ERAP1: variants seen among roughly 807,000 people sequenced by gnomAD.
The protein encoded by ERAP1 is adipocyte-derived leucine aminopeptidase.
A neutral mutation model predicts 103.7 loss-of-function variants in ERAP1; 86 were observed. The ratio of observed to expected loss-of-function variants is 0.83; its 90% CI spans 0.70 to 0.99. The LOEUF is 0.99. Among genes scored for constraint, ERAP1 ranks in the 50% least tolerant of loss-of-function variants. The pLI is 0.00. For missense variants in ERAP1, 1,009 were observed against 1,128.4 expected (o/e 0.89, Z 1.52); for synonymous variants, 398 against 402.4 (o/e 0.99, Z 0.13).
At chr5:96,790,179 T>A (rs1203538466) in intron 10 of ERAP1, 117 bp downstream of exon 10, 2 of 863,336 alleles carry the variant, frequency 2.3e-6, no homozygotes, top group Non-Finnish European at 3.9e-6. Context: ...TGCAGTCTTA[T>A]CTGGAATGAG....
the ERAP1 span, among the ~76,000 whole-genome samples, chr5:96,817,617 G>C: frequency 6.6e-6 from 1 of 152,284 alleles, no homozygotes; most frequent in Middle Eastern, 3.4e-3. Context: ...ACACTAGACT[G>C]AGCTTCCAGA....
At chr5:96,864,388 C>T in the ERAP1 span, among the ~76,000 whole-genome samples, 1 of 152,138 alleles carries the variant, frequency 6.6e-6, no homozygotes, top group African/African-American at 2.4e-5. Context: ...TCAAAAATTA[C>T]ACTCAATGTT....
chr5:96,776,926 T>A (rs1774412278), intron 18 of ERAP1: 1 of 201,192 alleles, frequency 5.0e-6, no homozygotes, highest in Admixed American at 5.3e-5. Context: ...CAGAGTCTTT[T>A]CTTTGCCAAG....
At chr5:96,909,734 C>T in the ERAP1 span, 5 of 1,614,020 alleles carry the variant, frequency 3.1e-6, no homozygotes, top group African/African-American at 5.3e-5. Context: ...GAACTCTTCT[C>T]CCAGTGGATG....
the ERAP1 span, chr5:96,908,947 G>A: frequency 2.5e-6 from 4 of 1,609,096 alleles, no homozygotes; most frequent in African/African-American, 5.4e-5. Flanking sequence ...ACTGACATTT[G>A]TTTTATACTT....
chr5:96,824,823 A>G, the ERAP1 span, among the ~76,000 whole-genome samples: 1 of 152,286 alleles, frequency 6.6e-6, no homozygotes, highest in South Asian at 2.1e-4. Flanking sequence ...CCAAGGCAGG[A>G]GGATCACTTC....
At position 96,774,637 on chromosome 5, in the gene ERAP1, TAATC is replaced by T; in HGVS notation, c.*1755_*1758del. 3 of 985,266 alleles carry T rather than the reference TAATC, an allele frequency of 3.0e-6. No individual in the cohort carries two copies. The highest frequency in any genetic ancestry group is 6.1e-5 in the Admixed American group (1 of 16,290). 61.0% of individuals were successfully genotyped at this position (985,266 alleles called of 1,614,324 possible). A position where few individuals can be genotyped will look rare whatever the true frequency, so the allele number is the denominator to read the frequency against. ...GAAAATCAATATTTCCATGTTTCAT[TAATC>T]AAGGCATAAAATACAATTAAAGCAA... On this transcript the variant is annotated 3_prime_UTR_variant, in exon 19 of 19. Transcript: ENST00000443439.
chr5:96,843,843 C>T, the ERAP1 span, among the ~76,000 whole-genome samples: 3 of 152,110 alleles, frequency 2.0e-5, no homozygotes, highest in African/African-American at 7.2e-5. Context: ...TTCTACTGAC[C>T]CTAAATTTTT....
At chr5:96,814,738 T>C in the ERAP1 span, among the ~76,000 whole-genome samples, 1 of 152,190 alleles carries the variant, frequency 6.6e-6, no homozygotes, top group African/African-American at 2.4e-5. Flanking sequence ...CCCCGATAAC[T>C]GGATTTGAAC....
chr5:96,924,846 C>T, the ERAP1 span, among the ~76,000 whole-genome samples: 2 of 152,200 alleles, frequency 1.3e-5, no homozygotes, highest in South Asian at 4.1e-4. Context: ...GATCCACCCA[C>T]CTCGGCCTCT....
chr5:96,901,572 A>T, the ERAP1 span: 2 of 1,614,000 alleles, frequency 1.2e-6, no homozygotes, highest in Non-Finnish European at 1.7e-6. Context: ...CCAGAAAGGA[A>T]TCCCCCTGCT....
chr5:96,763,999 T>C (rs1768931503), intron 19 of ERAP1, among the ~76,000 whole-genome samples: 1 of 151,072 alleles, frequency 6.6e-6, no homozygotes, highest in Admixed American at 6.6e-5. Context: ...CTGAGAACCA[T>C]TGTGGGCATC....
At chr5:96,865,939 C>G in the ERAP1 span, among the ~76,000 whole-genome samples, 8 of 152,212 alleles carry the variant, frequency 5.3e-5, no homozygotes, top group Non-Finnish European at 1.2e-4. Context: ...CCCAGACTGA[C>G]AAAAATTAGT....
chr5:96,795,041 C>A lies in ERAP1; in HGVS notation c.919+1G>T, dbSNP rs1283932280. The A allele has an allele frequency of 3.1e-6, 5 of 1,613,862 alleles. No homozygotes were observed. The highest frequency in any genetic ancestry group is 4.2e-6 in the Non-Finnish European group (5 of 1,179,914). Reference sequence around the variant, plus strand: ...GTGTAATATCTGTGCAAAATCTCTACCTTGTTTGGGTAGGGGATACGGTAT... The same window carrying A: ...GTGTAATATCTGTGCAAAATCTCTAACTTGTTTGGGTAGGGGATACGGTAT... On this transcript the variant is annotated splice_donor_variant, in intron 5 of 18. Transcript: ENST00000443439. LOFTEE classifies it high-confidence loss of function.
the ERAP1 span, among the ~76,000 whole-genome samples, chr5:96,854,334 T>C: frequency 2.0e-5 from 3 of 152,162 alleles, no homozygotes; most frequent in Non-Finnish European, 4.4e-5. Context: ...ACCTCAAGTA[T>C]GTAAACATAC....
chr5:96,881,339 A>G, the ERAP1 span: 2 of 447,078 alleles, frequency 4.5e-6, no homozygotes, highest in South Asian at 1.6e-5. Context: ...GAGTGAAACA[A>G]TTGAACTTGG....
chr5:96,857,754 G>A, the ERAP1 span, among the ~76,000 whole-genome samples: 1 of 152,140 alleles, frequency 6.6e-6, no homozygotes, highest in African/African-American at 2.4e-5. Flanking sequence ...CATCATAAAG[G>A]ATCACTTCTC....
the ERAP1 span, among the ~76,000 whole-genome samples, chr5:96,851,825 C>T: frequency 6.6e-6 from 1 of 152,104 alleles, no homozygotes; most frequent in African/African-American, 2.4e-5. Context: ...CACAGGACTG[C>T]TCTGACTGAA....
At chr5:96,847,525 T>C in the ERAP1 span, among the ~76,000 whole-genome samples, 30 of 152,154 alleles carry the variant, frequency 2.0e-4, no homozygotes, top group Non-Finnish European at 3.7e-4. Flanking sequence ...AGAATACACA[T>C]ACTTCTCAAG....
Sources: gnomAD v4.1 joint callset for allele counts (sites outside exome capture counted in the v4.1 genomes callset) on GRCh38, gnomAD v4.1.1 for gene constraint, MANE v1.5 for transcripts, NCBI Gene and HGNC (gene_info 2026-07-23, HGNC 2026-07-21) for gene names.